Variants in CACNB2 observed in about 807,000 individuals in gnomAD.
CACNB2 encodes calcium voltage-gated channel auxiliary subunit beta 2.
A neutral mutation model predicts 73.3 loss-of-function variants in CACNB2; 42 were observed. That is an observed-to-expected ratio of 0.57 (90% CI 0.45 to 0.74). The LOEUF (loss-of-function observed/expected upper bound fraction) is 0.74. Among genes scored for constraint, CACNB2 ranks in the 30% least tolerant of loss-of-function variants. CACNB2 has a pLI of 0.00. For synonymous variants in CACNB2, 348 were observed against 310.3 expected, an observed-to-expected ratio of 1.12 and a Z score of -1.28; for missense variants, 940 against 853.0, an observed-to-expected ratio of 1.10 and a Z score of -1.27.
At chr10:18,379,498 G>A (rs988086008) in intron 2 of CACNB2, among the ~76,000 whole-genome samples, 1 of 152,166 alleles carries the variant, frequency 6.6e-6, no homozygotes, top group Non-Finnish European at 1.5e-5. Context: ...ACAGGCATGA[G>A]CCACTGTGCC....
intron 2 of CACNB2, among the ~76,000 whole-genome samples, chr10:18,309,340 G>A (rs908369563): frequency 6.6e-5 from 10 of 152,194 alleles, no homozygotes; most frequent in South Asian, 2.1e-4. Context: ...CACTGAAGCC[G>A]GAGCTTGACT....
chr10:18,316,248 A>T (rs909686735), intron 2 of CACNB2, among the ~76,000 whole-genome samples: 2 of 152,186 alleles, frequency 1.3e-5, no homozygotes, highest in Middle Eastern at 3.2e-3. Flanking sequence ...TTGCAGTATT[A>T]GCATCTACTT....
chr10:18,444,215 A>AT (rs2046621085), intron 3 of CACNB2, among the ~76,000 whole-genome samples: 1 of 152,046 alleles, frequency 6.6e-6, no homozygotes, highest in Non-Finnish European at 1.5e-5. Flanking sequence ...CATGAATGGG[A>AT]TTAGTGCCCT....
chr10:18,186,817 G>C (rs2034175487), intron 2 of CACNB2, among the ~76,000 whole-genome samples: 1 of 152,126 alleles, frequency 6.6e-6, no homozygotes, highest in Admixed American at 6.6e-5. Flanking sequence ...TTTGGGCAGG[G>C]ACACAGATCC....
At position 18,234,655 on chromosome 10, in the gene CACNB2, C is replaced by T. The variant is rs570553227; in HGVS notation, c.213+83680C>T. 1.4e-4 allele frequency among the ~76,000 whole-genome samples: 21 copies of T among 152,184 alleles called. No individual in the cohort carries two copies. In the East Asian group the frequency reaches 2.1e-3, roughly 15 times the overall value. ...GGCTTGATTCCATTTACTTGAGGTA[C>T]GTAGAGAAGACAAATACGTAGAAAT... On this transcript the variant is annotated intron_variant, in intron 2 of 13. Transcript: ENST00000324631.
At chr10:18,182,024 T>G (rs2033911293) in intron 2 of CACNB2, 1 of 152,168 alleles carries the variant, frequency 6.6e-6, no homozygotes, top group Non-Finnish European at 1.5e-5. Context: ...TGGGCTGATT[T>G]TGGTACCAAA....
At chr10:18,496,868 A>G (rs1433496945) in intron 3 of CACNB2, among the ~76,000 whole-genome samples, 1 of 151,492 alleles carries the variant, frequency 6.6e-6, no homozygotes, top group East Asian at 1.9e-4. Context: ...GTTAAAAGGA[A>G]TATCACATGA....
intron 1 of CACNB2, among the ~76,000 whole-genome samples, chr10:18,149,133 A>C (rs1463179445): frequency 6.6e-6 from 1 of 152,178 alleles, no homozygotes; most frequent in Non-Finnish European, 1.5e-5. Context: ...AACAGGCCTT[A>C]AAAATACTTT....
intron 2 of CACNB2, among the ~76,000 whole-genome samples, chr10:18,293,403 C>T (rs968050052): frequency 6.6e-6 from 1 of 152,160 alleles, no homozygotes; most frequent in Non-Finnish European, 1.5e-5. Context: ...TTTCTGCCAG[C>T]ACATAAACAT....
intron 2 of CACNB2, among the ~76,000 whole-genome samples, chr10:18,286,428 A>G (rs933123994): frequency 1.0e-4 from 15 of 149,936 alleles, no homozygotes; most frequent in East Asian, 2.0e-4. Flanking sequence ...TGAGGCAGGA[A>G]AATGGCGTGA....
At chr10:18,377,340 G>T (rs1316930198) in intron 2 of CACNB2, among the ~76,000 whole-genome samples, 1 of 152,178 alleles carries the variant, frequency 6.6e-6, no homozygotes, top group Non-Finnish European at 1.5e-5. Flanking sequence ...TTGACATCTT[G>T]TGAGCTATAT....
chr10:18,438,108 C>G lies in CACNB2; in HGVS notation c.333+36065C>G, dbSNP rs1452116600. 2.1e-5 allele frequency among the ~76,000 whole-genome samples: 3 copies of G among 144,036 alleles called. No individual in the cohort carries two copies. The Admixed American group carries it at 2.2e-4, about 10-fold the overall frequency. 94.5% of individuals were successfully genotyped at this position (144,036 alleles called of 152,430 possible). A position where few individuals can be genotyped will look rare whatever the true frequency, so the allele number is the denominator to read the frequency against. The stretch of plus-strand genomic sequence containing the variant: ...TCTCGGTTTACTGCAAGCTCCGCCT[C>G]CCGGGTTCATGCCATTCTCCTGCCT... On this transcript the variant is annotated intron_variant, in intron 3 of 13. Coordinates refer to ENST00000324631, the MANE Select transcript of CACNB2 (RefSeq NM_201596.3).
At chr10:18,171,193 C>T (rs1306292879) in intron 2 of CACNB2, among the ~76,000 whole-genome samples, 1 of 152,148 alleles carries the variant, frequency 6.6e-6, no homozygotes, top group Non-Finnish European at 1.5e-5. Flanking sequence ...TTCTGCCAGG[C>T]ATTAGGGTCT....
chr10:18,205,714 A>G (rs181419134), intron 2 of CACNB2, among the ~76,000 whole-genome samples: 18 of 152,276 alleles, frequency 1.2e-4, no homozygotes, highest in Non-Finnish European at 1.9e-4. Context: ...CTGATCTTCA[A>G]TTCTTTCTTC....
intron 3 of CACNB2, among the ~76,000 whole-genome samples, chr10:18,403,844 G>A (rs2044137576): frequency 1.3e-5 from 2 of 151,560 alleles, no homozygotes; most frequent in African/African-American, 4.9e-5. Context: ...TTATTTAATG[G>A]GTGAGATGGG....
chr10:18,459,431 G>A (rs1000249153), intron 3 of CACNB2, among the ~76,000 whole-genome samples: 3 of 152,050 alleles, frequency 2.0e-5, no homozygotes, highest in Admixed American at 6.5e-5. Context: ...GGGGCTGACC[G>A]CCACCACACC....
At chr10:18,262,394 G>A (rs2037592200) in intron 2 of CACNB2, among the ~76,000 whole-genome samples, 1 of 152,052 alleles carries the variant, frequency 6.6e-6, no homozygotes, top group Non-Finnish European at 1.5e-5. Flanking sequence ...ATAAGTAAAA[G>A]CATGAAAAAC....
At chr10:18,183,153 A>G (rs1206612133) in intron 2 of CACNB2, among the ~76,000 whole-genome samples, 1 of 152,124 alleles carries the variant, frequency 6.6e-6, no homozygotes, top group East Asian at 1.9e-4. Context: ...TGTAAAACGC[A>G]GATCCCAGTA....
At chr10:18,531,122 CTTA>C (rs1265662339) in intron 10 of CACNB2, among the ~76,000 whole-genome samples, 1 of 152,218 alleles carries the variant, frequency 6.6e-6, no homozygotes, top group African/African-American at 2.4e-5. Context: ...ACCTCCAGGT[CTTA>C]TTAATTCCTA....
Sources: gnomAD v4.1 joint callset for allele counts (sites outside exome capture counted in the v4.1 genomes callset) on GRCh38, gnomAD v4.1.1 for gene constraint, MANE v1.5 for transcripts, NCBI Gene and HGNC (gene_info 2026-07-23, HGNC 2026-07-21) for gene names.